Variants in DLGAP2 observed in about 807,000 individuals in gnomAD.
DLGAP2 encodes disks large-associated protein 2.
In DLGAP2, 26 loss-of-function variants were observed where a neutral mutation model predicts 100.3. That is an observed-to-expected ratio of 0.26 (90% confidence interval 0.19 to 0.36). DLGAP2 has a LOEUF of 0.36. DLGAP2 is among the 10% of genes least tolerant of loss of function. The probability of loss-of-function intolerance (pLI) is 1.00; values close to 1 mark genes in which losing one functional copy is unlikely to be tolerated. For synonymous variants in DLGAP2, 886 were observed against 630.1 expected, an observed-to-expected ratio of 1.41 and a Z score of -6.08; for missense variants, 1,858 against 1,453.2, an observed-to-expected ratio of 1.28 and a Z score of -4.53.
At chr8:1,493,537 C>G (rs1036154426) in intron 3 of DLGAP2, among the ~76,000 whole-genome samples, 1 of 152,212 alleles carries the variant, frequency 6.6e-6, no homozygotes, top group Non-Finnish European at 1.5e-5. Context: ...CAGAGACACA[C>G]CTGAACGTGT....
Position 1,485,758 on chromosome 8 carries a change from C to T in DLGAP2, c.107-15608C>T, listed in dbSNP as rs144724273. Among the ~76,000 whole-genome samples, 1,076 of 152,302 alleles carry T rather than the reference C, an allele frequency of 7.1e-3. 7 individuals are homozygous for T. Among genetic ancestry groups the T allele is most frequent in the Non-Finnish European group, 0.012 (783 of 68,018 alleles). ...TCAGTCATCAGGCTGAGCATGGTGG[C>T]TCATGCTTGTAATCCCAGCACTTTG... On this transcript the variant is annotated intron_variant, in intron 3 of 14. Transcript: ENST00000637795.
chr8:1,496,376 C>T (rs1396453099), intron 3 of DLGAP2, among the ~76,000 whole-genome samples: 2 of 152,086 alleles, frequency 1.3e-5, no homozygotes, highest in East Asian at 1.9e-4. Context: ...TCTGAGTATG[C>T]GCTCTGCCTC....
intron 2 of DLGAP2, among the ~76,000 whole-genome samples, chr8:1,017,880 C>T (rs1439014607): frequency 1.3e-5 from 2 of 152,256 alleles, no homozygotes; most frequent in African/African-American, 4.8e-5. Flanking sequence ...GGCCTGCATC[C>T]TGCCACTGAG....
At chr8:1,306,074 C>CAAAAAAAAAAAAAAAAAAA (rs61647224) in intron 3 of DLGAP2, among the ~76,000 whole-genome samples, 8 of 116,444 alleles carry the variant, frequency 6.9e-5, no homozygotes, top group South Asian at 2.9e-4. Flanking sequence ...AGAAATTAGG[C>CAAAAAAAAAAAAAAAAAAA]AAAAAAAAAA....
intron 2 of DLGAP2, among the ~76,000 whole-genome samples, chr8:1,055,506 CTGT>C (rs1265853288): frequency 6.6e-6 from 1 of 152,150 alleles, no homozygotes; most frequent in Non-Finnish European, 1.5e-5. Flanking sequence ...TACTTAAAGT[CTGT>C]TGTTATCACT....
chr8:913,894 C>G (rs1798539496), intron 2 of DLGAP2, among the ~76,000 whole-genome samples: 1 of 152,334 alleles, frequency 6.6e-6, no homozygotes, highest in South Asian at 2.1e-4. Flanking sequence ...GATGGGGAGG[C>G]TGTGGGCACG....
intron 3 of DLGAP2, among the ~76,000 whole-genome samples, chr8:1,379,126 C>A (rs1045532282): frequency 6.6e-6 from 1 of 152,276 alleles, no homozygotes; most frequent in Admixed American, 6.5e-5. Context: ...GGTGAGGAGA[C>A]AAGGCCAGTT....
chr8:1,437,876 C>T (rs1307412331), intron 3 of DLGAP2, among the ~76,000 whole-genome samples: 3 of 148,760 alleles, frequency 2.0e-5, no homozygotes, highest in African/African-American at 7.4e-5. Flanking sequence ...ATCCCAGCTA[C>T]TCGGGAGGCT....
At chr8:837,986 C>G (rs1436339723) in intron 1 of DLGAP2, among the ~76,000 whole-genome samples, 1 of 151,450 alleles carries the variant, frequency 6.6e-6, no homozygotes, top group Admixed American at 6.6e-5. Context: ...CTTGGCCTCC[C>G]AAAGTGCTGG....
chr8:789,571 C>G (rs1369065346), intron 1 of DLGAP2, among the ~76,000 whole-genome samples: 1 of 152,202 alleles, frequency 6.6e-6, no homozygotes, highest in Admixed American at 6.5e-5. Flanking sequence ...AAAACTGACT[C>G]TGGATGATGG....
intron 3 of DLGAP2, among the ~76,000 whole-genome samples, chr8:1,261,415 A>C (rs1799347225): frequency 6.7e-6 from 1 of 150,072 alleles, no homozygotes; most frequent in Admixed American, 6.6e-5. Flanking sequence ...GTCAGCTTCC[A>C]GATCTTTAAA....
intron 2 of DLGAP2, among the ~76,000 whole-genome samples, chr8:1,032,217 G>A (rs1293452066): frequency 6.6e-6 from 1 of 152,254 alleles, no homozygotes. Flanking sequence ...CATAGTAGGA[G>A]GGGCAGCAAA....
In DLGAP2 at chr8:889,279, G is replaced by C. The variant is rs189504342; in HGVS notation, c.19-18633G>C. ...TATGATGGCTTAGCTTGGGCTCAGA[G>C]GCCTGACAGCAGGCCCCGTTTAATG... On this transcript the variant is annotated intron_variant, in intron 1 of 14. Transcript: ENST00000637795. 1.7e-3 allele frequency among the ~76,000 whole-genome samples: 258 copies of C among 152,318 alleles called. 1 individual carries two copies. The highest frequency in any genetic ancestry group is 3.4e-3 in the Middle Eastern group (1 of 294).
intron 6 of DLGAP2, among the ~76,000 whole-genome samples, chr8:1,620,055 C>G (rs1036347066): frequency 6.6e-6 from 1 of 152,186 alleles, no homozygotes; most frequent in Non-Finnish European, 1.5e-5. Flanking sequence ...TCCCCCCATC[C>G]AAGAAAACTC....
intron 3 of DLGAP2, chr8:1,373,809 G>A (rs750591538): frequency 6.6e-6 from 1 of 152,218 alleles, no homozygotes; most frequent in Non-Finnish European, 1.5e-5. Context: ...TTCAATGCAC[G>A]GAATCTACCC....
At chr8:1,199,525 C>T (rs1180101070) in intron 2 of DLGAP2, among the ~76,000 whole-genome samples, 1 of 152,198 alleles carries the variant, frequency 6.6e-6, no homozygotes, top group African/African-American at 2.4e-5. Context: ...TGGATCACAG[C>T]ACAGCTACCT....
intron 2 of DLGAP2, among the ~76,000 whole-genome samples, chr8:1,008,884 C>A (rs1490824184): frequency 6.6e-6 from 1 of 152,230 alleles, no homozygotes; most frequent in Non-Finnish European, 1.5e-5. Flanking sequence ...TGGGTGAGAC[C>A]ACATGGCCCC....
In DLGAP2 at chr8:1,073,068, A is replaced by G. The variant is rs143137147; in HGVS notation, c.73+165102A>G. Among the ~76,000 whole-genome samples, 188 of 152,272 alleles carry G rather than the reference A, an allele frequency of 1.2e-3. 1 individual carries two copies. The highest frequency in any genetic ancestry group is 4.2e-3 in the African/African-American group (176 of 41,546). The stretch of plus-strand genomic sequence containing the variant: ...CACAATCATTATAGCACCGTGCTTT[A>G]CCCAAGAGAATAAAAGCCCACTGTT... On this transcript the variant is annotated intron_variant, in intron 2 of 14. Transcript: ENST00000637795.
At chr8:1,151,551 C>T (rs979680173) in intron 2 of DLGAP2, among the ~76,000 whole-genome samples, 6 of 152,268 alleles carry the variant, frequency 3.9e-5, no homozygotes, top group African/African-American at 9.6e-5. Context: ...CCGTCTCTGA[C>T]GATTCCGGTT....
Sources: gnomAD v4.1 joint callset for allele counts (sites outside exome capture counted in the v4.1 genomes callset) on GRCh38, gnomAD v4.1.1 for gene constraint, MANE v1.5 for transcripts, NCBI Gene and HGNC (gene_info 2026-07-23, HGNC 2026-07-21) for gene names.